SOX6: variants seen among roughly 807,000 people sequenced by gnomAD.
SOX6 encodes transcription factor SOX-6.
A neutral mutation model predicts 97.8 loss-of-function variants in SOX6; 11 were observed. The observed-to-expected ratio is 0.11, with a 90% CI of 0.07 to 0.19. The LOEUF (loss-of-function observed/expected upper bound fraction) is 0.19. SOX6 is among the 10% of genes least tolerant of loss of function. The pLI, the probability that SOX6 is intolerant of heterozygous loss-of-function variation, is 1.00. For synonymous variants in SOX6, 360 were observed against 371.4 expected (o/e 0.97, Z 0.35); for missense variants, 810 against 1,039.5 (o/e 0.78, Z 3.04).
intron 13 of SOX6, among the ~76,000 whole-genome samples, chr11:15,998,698 A>G (rs184954137): frequency 1.0e-3 from 157 of 152,262 alleles, no homozygotes; most frequent in African/African-American, 3.6e-3. Context: ...AGTTTTTTCA[A>G]CAAATACCGC....
chr11:16,735,996 T>C (rs1532672), intron 2 of SOX6, among the ~76,000 whole-genome samples: 24,767 of 152,064 alleles, frequency 0.16, 2,661 homozygotes, highest in East Asian at 0.32. Flanking sequence ...GTTGGGAAAA[T>C]TTAAAAAAAT....
intron 14 of SOX6, 147 bp downstream of exon 14, chr11:15,988,850 C>A: frequency 1.3e-6 from 1 of 750,394 alleles, no homozygotes; most frequent in Middle Eastern, 3.9e-4. Flanking sequence ...ATGACGAAGG[C>A]TCCTGCGGCA....
At chr11:16,204,159 A>G (rs1471137299) in intron 4 of SOX6, among the ~76,000 whole-genome samples, 1 of 152,102 alleles carries the variant, frequency 6.6e-6, no homozygotes, top group Non-Finnish European at 1.5e-5. Flanking sequence ...TATCACCACC[A>G]CCAATTTACA....
At chr11:16,171,910 A>G (rs1178058764) in intron 6 of SOX6, among the ~76,000 whole-genome samples, 1 of 151,840 alleles carries the variant, frequency 6.6e-6, no homozygotes. Flanking sequence ...TAGTTGGAAA[A>G]TGTACTGGGA....
At chr11:16,627,582 C>T (rs997213492) in intron 3 of SOX6, among the ~76,000 whole-genome samples, 1 of 152,140 alleles carries the variant, frequency 6.6e-6, no homozygotes, top group African/African-American at 2.4e-5. Context: ...GTTTTTTGGC[C>T]ACTTGTATGC....
At chr11:16,296,401 A>G (rs1311951381) in intron 3 of SOX6, among the ~76,000 whole-genome samples, 1 of 152,134 alleles carries the variant, frequency 6.6e-6, no homozygotes, top group East Asian at 1.9e-4. Flanking sequence ...TTGTGTTGTA[A>G]TCAAATAACA....
intron 6 of SOX6, among the ~76,000 whole-genome samples, chr11:16,133,662 G>GGTTTT (rs113326765): frequency 0.039 from 5,928 of 151,322 alleles, 132 homozygotes; most frequent in African/African-American, 0.063. Context: ...TTATTATACA[G>GGTTTT]GTTTTGTTTT....
intron 1 of SOX6, among the ~76,000 whole-genome samples, chr11:16,458,301 C>T (rs1042790132): frequency 2.0e-5 from 3 of 152,036 alleles, no homozygotes; most frequent in African/African-American, 7.2e-5. Context: ...TCTCTAAGAG[C>T]TTACAATCTG....
At chr11:16,061,690 A>G (rs1847960377) in intron 9 of SOX6, among the ~76,000 whole-genome samples, 1 of 152,056 alleles carries the variant, frequency 6.6e-6, no homozygotes, top group East Asian at 1.9e-4. Flanking sequence ...TTGTGTAAAA[A>G]TAGACACGTA....
At chr11:16,426,642 C>A (rs11023940) in intron 1 of SOX6, among the ~76,000 whole-genome samples, 30,786 of 151,688 alleles carry the variant, frequency 0.2, 3,371 homozygotes, top group Admixed American at 0.32. Context: ...TGGCCGGGCG[C>A]GGTGGCTCAC....
chr11:16,552,563 T>C (rs1565178855), intron 4 of SOX6, among the ~76,000 whole-genome samples: 1 of 152,168 alleles, frequency 6.6e-6, no homozygotes, highest in Non-Finnish European at 1.5e-5. Flanking sequence ...ATTAGAGCCT[T>C]CCACAAATGA....
chr11:16,218,373 TACA>T (rs1366318208), intron 4 of SOX6, among the ~76,000 whole-genome samples: 1 of 152,146 alleles, frequency 6.6e-6, no homozygotes, highest in Admixed American at 6.6e-5. Flanking sequence ...ACTTACATAC[TACA>T]AACAATTGCA....
intron 1 of SOX6, among the ~76,000 whole-genome samples, chr11:16,400,319 T>C (rs1858519571): frequency 6.6e-6 from 1 of 151,504 alleles, no homozygotes; most frequent in Non-Finnish European, 1.5e-5. Flanking sequence ...AAATAGGATG[T>C]TCAAGGTAGA....
At chr11:16,371,146 C>A (rs763849188) in intron 1 of SOX6, among the ~76,000 whole-genome samples, 11 of 151,860 alleles carry the variant, frequency 7.2e-5, no homozygotes, top group Non-Finnish European at 1.5e-4. Context: ...CTATTATTTC[C>A]CCCCTTCACT....
intron 9 of SOX6, among the ~76,000 whole-genome samples, chr11:16,095,539 A>T (rs1375328874): frequency 6.6e-6 from 1 of 151,902 alleles, no homozygotes; most frequent in Non-Finnish European, 1.5e-5. Context: ...CGAATATTTT[A>T]TAGCCTTGGT....
chr11:16,600,621 A>G (rs933899179), intron 4 of SOX6, among the ~76,000 whole-genome samples: 26 of 152,200 alleles, frequency 1.7e-4, no homozygotes, highest in African/African-American at 5.8e-4. Context: ...CCAAACTATT[A>G]CAATGAATAC....
At chr11:16,407,357 T>C (rs1305925581) in intron 1 of SOX6, among the ~76,000 whole-genome samples, 1 of 152,138 alleles carries the variant, frequency 6.6e-6, no homozygotes, top group East Asian at 1.9e-4. Context: ...AGAAAATTGG[T>C]CTGAGGACAC....
chr11:16,181,559 CAAAA>C (rs5789942), intron 6 of SOX6, among the ~76,000 whole-genome samples: 3 of 137,712 alleles, frequency 2.2e-5, no homozygotes, highest in Non-Finnish European at 1.6e-5. Context: ...TTTCCCCTTC[CAAAA>C]AAAAAAAAAA....
intron 3 of SOX6, among the ~76,000 whole-genome samples, chr11:16,664,965 A>G (rs1400999290): frequency 6.6e-6 from 1 of 151,876 alleles, no homozygotes; most frequent in Non-Finnish European, 1.5e-5. Flanking sequence ...GGAACCTCAT[A>G]CCTTGAAGGT....
Sources: allele counts gnomAD v4.1 joint callset (sites outside exome capture counted in the v4.1 genomes callset), GRCh38; gene constraint gnomAD v4.1.1; transcripts MANE v1.5; gene names NCBI Gene and HGNC (gene_info 2026-07-23, HGNC 2026-07-21).